Variants in URI1 observed in about 807,000 individuals in gnomAD.
URI1 encodes the protein URI1 prefoldin like chaperone.
URI1 carries 39 observed loss-of-function variants against 60.2 expected under a neutral mutation model. The observed-to-expected ratio is 0.65, with a 90% CI of 0.50 to 0.85. URI1 has a LOEUF of 0.85. URI1 is among the 40% of genes least tolerant of loss of function. The pLI is 0.00. For synonymous variants in URI1, 251 were observed against 236.8 expected (o/e 1.06, Z -0.55); for missense variants, 691 against 665.9 (o/e 1.04, Z -0.42).
At position 30,012,530 on chromosome 19, in the gene URI1, A is replaced by G; in HGVS notation, c.1424A>G (p.Glu475Gly). 1 of 1,613,836 alleles carries G rather than the reference A, an allele frequency of 6.2e-7. No individual in the cohort carries two copies. The highest frequency in any genetic ancestry group is 8.5e-7 in the Non-Finnish European group (1 of 1,179,838). The change falls in exon 10 of 11, where the codon GAG (glutamate) becomes GGG (glycine). Residue 475 changes from glutamate to glycine, a missense_variant and splice_region_variant. Physicochemically the swap from Glu to Gly is moderately conservative, Grantham distance 98. Coordinates refer to ENST00000392271, the MANE Select transcript of URI1 (RefSeq NM_003796.3). ...CTTTTGCCCTTATCAGTAACACCTG[A>G]GGTGTGTGTGTGTATCTTTTAATTC... The part of the protein sequence containing the change: ...KKLLPLSVTP[E>G]AFSGTVIEKE...
chr19:29,932,341 C>A (rs1172352046), intron 1 of URI1, among the ~76,000 whole-genome samples: 1 of 152,038 alleles, frequency 6.6e-6, no homozygotes, highest in Non-Finnish European at 1.5e-5. Flanking sequence ...ATTTGAGACA[C>A]AGTCTTGGTC....
rs116166300 is a variant in URI1, at chr19:29,988,911, T to A, written c.367+2494T>A. On this transcript the variant is annotated intron_variant, in intron 4 of 10. Coordinates refer to ENST00000392271, the MANE Select transcript of URI1 (RefSeq NM_003796.3). ...TTACATCTCTTTCAGCAGTGTGTGA[T>A]AGTGGTATCTTTGCGTCTCTACCAG... Among the ~76,000 whole-genome samples, 532 of 152,312 alleles carry A rather than the reference T, an allele frequency of 3.5e-3. 5 individuals carry two copies. The highest frequency in any genetic ancestry group is 0.012 in the African/African-American group (517 of 41,570).
In URI1 at chr19:30,011,158, G is replaced by C; in HGVS notation, c.1100G>C (p.Arg367Pro). ...KFSEKKEEAK[R>P]KRKNSTGSGH... ...AGTGAAAAGAAAGAAGAAGCCAAACGTAAACGAAAGAACAGCACTGGCAGT... is the reference window on the plus strand; with the variant it reads ...AGTGAAAAGAAAGAAGAAGCCAAACCTAAACGAAAGAACAGCACTGGCAGT... Residue 367 changes from arginine to proline, a missense_variant, in exon 9 of 11, where the codon CGT (arginine) becomes CCT (proline). By Grantham distance (103) the Arg-to-Pro change is moderately radical. Coordinates refer to ENST00000392271, the MANE Select transcript of URI1 (RefSeq NM_003796.3). The C allele has an allele frequency of 2.5e-6, 4 of 1,612,934 alleles. No individual in the cohort carries two copies. The highest frequency in any genetic ancestry group is 3.4e-6 in the Non-Finnish European group (4 of 1,179,632).
At chr19:29,953,211 A>T (rs1350018651) in intron 1 of URI1, among the ~76,000 whole-genome samples, 2 of 152,202 alleles carry the variant, frequency 1.3e-5, no homozygotes, top group Non-Finnish European at 2.9e-5. Flanking sequence ...TGGCTATTAT[A>T]CTTAAATTCA....
chr19:29,932,891 G>A (rs986213148), intron 1 of URI1, among the ~76,000 whole-genome samples: 1 of 151,890 alleles, frequency 6.6e-6, no homozygotes, highest in African/African-American at 2.4e-5. Flanking sequence ...GACCTCAGGT[G>A]ATCCACCCGC....
At chr19:29,990,189 G>A (rs1031422009) in intron 4 of URI1, among the ~76,000 whole-genome samples, 4 of 152,068 alleles carry the variant, frequency 2.6e-5, no homozygotes, top group African/African-American at 9.7e-5. Context: ...AAATGAATTG[G>A]CAACAAGACC....
intron 2 of URI1, among the ~76,000 whole-genome samples, chr19:29,978,564 T>C (rs1419967531): frequency 2.0e-5 from 3 of 152,154 alleles, no homozygotes; most frequent in African/African-American, 7.2e-5. Flanking sequence ...AGGATGAAGA[T>C]GTGAATATTG....
upstream of URI1, chr19:29,942,144 C>G: frequency 1.1e-6 from 1 of 923,646 alleles, no homozygotes; most frequent in Non-Finnish European, 1.3e-6. Flanking sequence ...CGGTTCGCAT[C>G]AAGCGCACTC....
intron 7 of URI1, 129 bp from the exon 8 acceptor site, chr19:30,008,876 C>T: frequency 1.3e-6 from 1 of 786,434 alleles, no homozygotes; most frequent in African/African-American, 1.8e-5. Context: ...TGTTTTTGAA[C>T]TTAGAATTCT....
Position 30,016,190 on chromosome 19 carries a change from G to GA in URI1, c.*1124dup, listed in dbSNP as rs1175346205. 6.6e-6 allele frequency: 1 copy of GA among 152,096 alleles called. No individual in the cohort carries two copies. Among genetic ancestry groups the GA allele is most frequent in the Non-Finnish European group, 1.5e-5 (1 of 67,976 alleles). 9.4% of individuals were successfully genotyped at this position (152,096 alleles called of 1,614,324 possible). ...TTAATGAATTCTTCTTAAACAAAGT[G>GA]AAATTATGTCCTAGAAAAGTAGAAG... On this transcript the variant is annotated 3_prime_UTR_variant, in exon 11 of 11. Transcript: ENST00000392271.
At chr19:29,958,925 A>C (rs1599674591) in intron 1 of URI1, among the ~76,000 whole-genome samples, 1 of 150,222 alleles carries the variant, frequency 6.7e-6, no homozygotes, top group South Asian at 2.1e-4. Context: ...ACGCCACTGC[A>C]CTCCAGCCTG....
intron 4 of URI1, among the ~76,000 whole-genome samples, chr19:29,997,164 G>C (rs1419545348): frequency 2.0e-5 from 3 of 152,046 alleles, no homozygotes; most frequent in South Asian, 2.1e-4. Flanking sequence ...TTGAATGTTT[G>C]GTAGAATTCA....
chr19:30,003,302 C>CT (rs2145425926), intron 4 of URI1, among the ~76,000 whole-genome samples: 1 of 152,034 alleles, frequency 6.6e-6, no homozygotes, highest in South Asian at 2.1e-4. Context: ...GTATAGCTAT[C>CT]TAATTTTTTG....
chr19:29,992,422 A>G (rs550650470), intron 4 of URI1, among the ~76,000 whole-genome samples: 1 of 152,248 alleles, frequency 6.6e-6, no homozygotes, highest in African/African-American at 2.4e-5. Context: ...ATTGATTCTG[A>G]TAATTTCAGT....
At chr19:29,972,586 T>C (rs548729560) in intron 2 of URI1, among the ~76,000 whole-genome samples, 1 of 152,296 alleles carries the variant, frequency 6.6e-6, no homozygotes, top group South Asian at 2.1e-4. Flanking sequence ...CTGGTTTGTT[T>C]TATAAGATTC....
chr19:30,009,074 C>T lies in URI1; in HGVS notation c.756C>T (p.Asn252=). 1.2e-6 allele frequency: 2 copies of T among 1,613,864 alleles called. No individual in the cohort carries two copies. The highest frequency in any genetic ancestry group is 1.7e-6 in the Non-Finnish European group (2 of 1,179,908). ...CTGAAGAGGAAAAGGAAGATCGTAACACAAATGTGAATGCGATGCATCAAG... is the reference window on the plus strand; with the variant it reads ...CTGAAGAGGAAAAGGAAGATCGTAATACAAATGTGAATGCGATGCATCAAG... ...TSSEEEKEDR[N]TNVNAMHQVT... is the part of the protein sequence containing the mutation. Residue 252 remains asparagine, a synonymous_variant, in exon 8 of 11, where the codon AAC becomes AAT. Transcript: ENST00000392271.
intron 1 of URI1, among the ~76,000 whole-genome samples, chr19:29,934,866 A>C (rs2054955657): frequency 6.6e-6 from 1 of 152,186 alleles, no homozygotes. Context: ...CAACATGCCC[A>C]TATTATTTTC....
intron 1 of URI1, among the ~76,000 whole-genome samples, chr19:29,952,278 A>G (rs1351461143): frequency 1.3e-5 from 2 of 152,250 alleles, no homozygotes; most frequent in Non-Finnish European, 2.9e-5. Flanking sequence ...AAAGATTATA[A>G]GAGATTTAAG....
intron 1 of URI1, chr19:29,957,856 A>G (rs951766112): frequency 2.9e-5 from 4 of 138,780 alleles, no homozygotes; most frequent in African/African-American, 1.1e-4. Context: ...TCTAGATACT[A>G]TTTTTTGTTG....
Sources: allele counts gnomAD v4.1 joint callset (sites outside exome capture counted in the v4.1 genomes callset), GRCh38; gene constraint gnomAD v4.1.1; transcripts MANE v1.5; gene names NCBI Gene and HGNC (gene_info 2026-07-23, HGNC 2026-07-21).